Variants in HS3ST5 observed in about 807,000 individuals in gnomAD.
The protein encoded by HS3ST5 is heparan sulfate glucosamine 3-O-sulfotransferase 5.
Under a neutral mutation model 25.4 loss-of-function variants are expected in HS3ST5, and 10 were observed. The observed-to-expected ratio is 0.39, with a 90% CI of 0.24 to 0.67. The LOEUF (loss-of-function observed/expected upper bound fraction) is 0.67. Among genes scored for constraint, HS3ST5 ranks in the 30% least tolerant of loss-of-function variants. The pLI is 0.44. For synonymous variants in HS3ST5, 170 were observed against 162.4 expected (o/e 1.05, Z -0.36); for missense variants, 324 against 420.7 (o/e 0.77, Z 2.01).
chr6:114,102,950 AT>A (rs74742813), intron 3 of HS3ST5, among the ~76,000 whole-genome samples: 19 of 151,820 alleles, frequency 1.3e-4, no homozygotes, highest in East Asian at 1.9e-4. Flanking sequence ...ACTGTAAAGA[AT>A]TTTTTTTTGA....
intron 1 of HS3ST5, among the ~76,000 whole-genome samples, chr6:114,256,876 C>A (rs943675624): frequency 2.6e-5 from 4 of 152,130 alleles, no homozygotes; most frequent in African/African-American, 9.7e-5. Context: ...TAAAGACATA[C>A]CTGAGGCTGG....
Position 114,309,051 on chromosome 6 carries a change from G to A in HS3ST5, c.-339+33144C>T, listed in dbSNP as rs147651498. On this transcript the variant is annotated intron_variant, in intron 1 of 4. Transcript: ENST00000312719. ...AGTGAACATCATACTCATCTGGGAC[G>A]TCAATAATATAAAATACAGAGTCAC... Among the ~76,000 whole-genome samples the A allele has an allele frequency of 2.8e-3, 428 of 152,220 alleles. 2 individuals are homozygous for A. Among genetic ancestry groups the A allele is most frequent in the African/African-American group, 9.7e-3 (401 of 41,530 alleles).
At chr6:114,289,917 A>G (rs1242544578) in intron 1 of HS3ST5, among the ~76,000 whole-genome samples, 2 of 152,172 alleles carry the variant, frequency 1.3e-5, no homozygotes, top group Non-Finnish European at 2.9e-5. Flanking sequence ...AATGGGTTAT[A>G]TAATAGTATT....
chr6:114,292,746 G>A (rs899865966), intron 1 of HS3ST5, among the ~76,000 whole-genome samples: 2 of 152,128 alleles, frequency 1.3e-5, no homozygotes, highest in Non-Finnish European at 2.9e-5. Context: ...GCTTCCCGAA[G>A]ATACCTGAGG....
intron 2 of HS3ST5, among the ~76,000 whole-genome samples, chr6:114,191,928 G>C (rs1780525477): frequency 6.6e-6 from 1 of 152,092 alleles, no homozygotes. Context: ...TTCCTCCAAA[G>C]GTTGTTACCT....
chr6:114,302,345 G>A (rs953267515), intron 1 of HS3ST5, among the ~76,000 whole-genome samples: 27 of 152,194 alleles, frequency 1.8e-4, no homozygotes, highest in African/African-American at 6.5e-4. Context: ...GAATATGGCA[G>A]TAGACATGAA....
intron 4 of HS3ST5, among the ~76,000 whole-genome samples, chr6:114,061,203 TA>T (rs1773096390): frequency 6.6e-6 from 1 of 152,176 alleles, no homozygotes; most frequent in Non-Finnish European, 1.5e-5. Flanking sequence ...AAGTAAAAGG[TA>T]AATGATTGGA....
At chr6:114,182,100 G>A (rs1311664242) in intron 2 of HS3ST5, among the ~76,000 whole-genome samples, 3 of 152,054 alleles carry the variant, frequency 2.0e-5, no homozygotes, top group Non-Finnish European at 4.4e-5. Context: ...ATGTATGCAA[G>A]TCATATATAT....
At chr6:114,114,843 A>G (rs1187352549) in intron 3 of HS3ST5, among the ~76,000 whole-genome samples, 1 of 152,162 alleles carries the variant, frequency 6.6e-6, no homozygotes, top group African/African-American at 2.4e-5. Context: ...AGACTCAGTC[A>G]TAGGAAAATG....
chr6:114,140,901 A>G (rs1405852637), intron 3 of HS3ST5, among the ~76,000 whole-genome samples: 1 of 152,146 alleles, frequency 6.6e-6, no homozygotes, highest in Non-Finnish European at 1.5e-5. Context: ...TTTCTGCTTC[A>G]GTTTCCTCAT....
intron 4 of HS3ST5, among the ~76,000 whole-genome samples, chr6:114,060,993 G>T (rs1269023559): frequency 6.6e-6 from 1 of 152,190 alleles, no homozygotes; most frequent in Non-Finnish European, 1.5e-5. Flanking sequence ...AGGGTCTTCA[G>T]TTACTGGAGA....
At chr6:114,297,070 A>T (rs10484273) in intron 1 of HS3ST5, among the ~76,000 whole-genome samples, 50,222 of 152,006 alleles carry the variant, frequency 0.33, 9,073 homozygotes, top group Non-Finnish European at 0.41. Flanking sequence ...CTCATTTCAA[A>T]CACTGATCAG....
At chr6:114,253,507 C>T (rs1582761228) in intron 1 of HS3ST5, among the ~76,000 whole-genome samples, 1 of 152,182 alleles carries the variant, frequency 6.6e-6, no homozygotes, top group Non-Finnish European at 1.5e-5. Flanking sequence ...GAAGAGCTAC[C>T]ATATTCCTTC....
In HS3ST5 at chr6:114,257,879, G is replaced by A. The variant is rs141968191; in HGVS notation, c.-338-29101C>T. On this transcript the variant is annotated intron_variant, in intron 1 of 4. Coordinates refer to ENST00000312719, the MANE Select transcript of HS3ST5 (RefSeq NM_153612.4). ...ATCCTCCTGAATAGCTGAGACTACA[G>A]GCATGTGCTACCACACTTGGCTTAC... Among the ~76,000 whole-genome samples, 386 of 152,160 alleles carry A rather than the reference G, an allele frequency of 2.5e-3. 2 individuals carry two copies. Among genetic ancestry groups the A allele is most frequent in the African/African-American group, 9.1e-3 (376 of 41,524 alleles).
At chr6:114,182,684 G>A (rs139219758) in intron 2 of HS3ST5, among the ~76,000 whole-genome samples, 4 of 152,138 alleles carry the variant, frequency 2.6e-5, no homozygotes, top group Non-Finnish European at 5.9e-5. Flanking sequence ...CCTACATGTG[G>A]TTACAGGGGC....
At chr6:114,204,730 G>T (rs1177711558) in intron 2 of HS3ST5, among the ~76,000 whole-genome samples, 1 of 151,954 alleles carries the variant, frequency 6.6e-6, no homozygotes, top group Non-Finnish European at 1.5e-5. Context: ...CACTTTGATA[G>T]AATTTTTTTG....
chr6:114,160,815 G>T (rs1409195984), intron 3 of HS3ST5, among the ~76,000 whole-genome samples: 1 of 152,074 alleles, frequency 6.6e-6, no homozygotes, highest in African/African-American at 2.4e-5. Flanking sequence ...TAGTATGTTT[G>T]CCATTCACAC....
chr6:114,140,978 T>C (rs1777875749), intron 3 of HS3ST5, among the ~76,000 whole-genome samples: 1 of 152,214 alleles, frequency 6.6e-6, no homozygotes, highest in South Asian at 2.1e-4. Context: ...TGAGAAACAA[T>C]GCCTGTAACA....
chr6:114,216,267 C>T (rs1369399720), intron 2 of HS3ST5, among the ~76,000 whole-genome samples: 1 of 152,184 alleles, frequency 6.6e-6, no homozygotes, highest in African/African-American at 2.4e-5. Flanking sequence ...TTCAGGCAGC[C>T]CTGTGACTTG....
Sources: gnomAD v4.1 joint callset for allele counts (sites outside exome capture counted in the v4.1 genomes callset) on GRCh38, gnomAD v4.1.1 for gene constraint, MANE v1.5 for transcripts, NCBI Gene and HGNC (gene_info 2026-07-23, HGNC 2026-07-21) for gene names.